Variants in MTMR10 observed in about 807,000 individuals in gnomAD.
The protein encoded by MTMR10 is myotubularin related protein 10.
Under a neutral mutation model 88.1 loss-of-function variants are expected in MTMR10, and 56 were observed. The observed-to-expected ratio is 0.64, with a 90% CI of 0.51 to 0.79. The LOEUF (loss-of-function observed/expected upper bound fraction) is 0.79. Among genes scored for constraint, MTMR10 ranks in the 30% least tolerant of loss-of-function variants. The probability of loss-of-function intolerance (pLI) is 0.00; values close to 1 mark genes in which losing one functional copy is unlikely to be tolerated. For synonymous variants in MTMR10, 380 were observed against 340.9 expected (o/e 1.11, Z -1.26); for missense variants, 883 against 924.7 (o/e 0.95, Z 0.58).
intron 9 of MTMR10, 94 bp downstream of exon 9, chr15:30,958,769 C>A: frequency 7.8e-7 from 1 of 1,277,218 alleles, no homozygotes. Flanking sequence ...ATTAGTAAGA[C>A]TATGCATTTT....
At chr15:30,986,379 G>C (rs946578532) in intron 2 of MTMR10, among the ~76,000 whole-genome samples, 2 of 151,526 alleles carry the variant, frequency 1.3e-5, no homozygotes, top group Non-Finnish European at 2.9e-5. Flanking sequence ...TTCTCTGTGT[G>C]AGTGCTCACA....
intron 10 of MTMR10, among the ~76,000 whole-genome samples, chr15:30,953,963 A>T (rs2063286005): frequency 6.6e-6 from 1 of 152,176 alleles, no homozygotes; most frequent in Non-Finnish European, 1.5e-5. Context: ...CTGTGAGGTC[A>T]GCTGCCCAGG....
the MTMR10 span, among the ~76,000 whole-genome samples, chr15:30,924,590 T>TGG: frequency 6.6e-6 from 1 of 152,220 alleles, no homozygotes; most frequent in African/African-American, 2.4e-5. Flanking sequence ...TGAATCGCCT[T>TGG]GGGAAATACT....
the MTMR10 span, among the ~76,000 whole-genome samples, chr15:30,929,736 ATAT>A: frequency 6.3e-5 from 2 of 31,588 alleles, no homozygotes; most frequent in Admixed American, 5.3e-4. Flanking sequence ...AATATATAAT[ATAT>A]TATATCATAT....
chr15:30,924,138 T>A, the MTMR10 span, among the ~76,000 whole-genome samples: 1 of 152,238 alleles, frequency 6.6e-6, no homozygotes, highest in South Asian at 2.1e-4. Flanking sequence ...CTCAGCATCA[T>A]GTTTCTGAGC....
intron 2 of MTMR10, among the ~76,000 whole-genome samples, chr15:30,979,013 C>T (rs1245702209): frequency 6.6e-6 from 1 of 152,102 alleles, no homozygotes; most frequent in Non-Finnish European, 1.5e-5. Context: ...CCACTGAATA[C>T]TCAACCCTTT....
the MTMR10 span, chr15:30,929,253 A>G: frequency 6.2e-7 from 1 of 1,613,522 alleles, no homozygotes; most frequent in African/African-American, 1.3e-5. Context: ...GCAGACGCCC[A>G]GCCCTTGAGG....
At chr15:30,975,687 T>C (rs2030076845) in intron 3 of MTMR10, among the ~76,000 whole-genome samples, 1 of 152,184 alleles carries the variant, frequency 6.6e-6, no homozygotes, top group African/African-American at 2.4e-5. Flanking sequence ...CATAAGACTG[T>C]AATGAACACA....
At chr15:30,981,413 G>GTGCC (rs1474417542) in intron 2 of MTMR10, among the ~76,000 whole-genome samples, 7 of 152,118 alleles carry the variant, frequency 4.6e-5, no homozygotes, top group Non-Finnish European at 8.8e-5. Flanking sequence ...TTGATGTCTT[G>GTGCC]TGCCTGCTCA....
rs1451742536 is a variant in MTMR10 at position 30,991,437 on chromosome 15, G to A, written c.60+10C>T. 2 of 1,488,818 alleles carry A rather than the reference G, an allele frequency of 1.3e-6. No individual in the cohort carries two copies. Among genetic ancestry groups the A allele is most frequent in the Admixed American group, 2.8e-5 (1 of 36,042 alleles). 92.2% of individuals were successfully genotyped at this position (1,488,818 alleles called of 1,614,324 possible). ...GGAGAGTCGGGCGCTCGCGGGGAGG[G>A]GTTGTTTACCTGGGGCGGTGGCAGG... On this transcript the variant is annotated intron_variant, in intron 1 of 15. Transcript: ENST00000435680.
chr15:30,933,973 G>A (rs955031981), downstream of MTMR10, among the ~76,000 whole-genome samples: 3 of 152,070 alleles, frequency 2.0e-5, no homozygotes, highest in Non-Finnish European at 2.9e-5. Context: ...TGTTGCCCAG[G>A]CTGGTCTCAA....
At chr15:30,971,923 T>C (rs964802395) in intron 5 of MTMR10, among the ~76,000 whole-genome samples, 3 of 152,148 alleles carry the variant, frequency 2.0e-5, no homozygotes, top group Non-Finnish European at 2.9e-5. Flanking sequence ...AGCAATCTAA[T>C]TTTGTCATAA....
At chr15:30,978,898 A>AATATAT (rs35430262) in intron 2 of MTMR10, among the ~76,000 whole-genome samples, 4 of 150,392 alleles carry the variant, frequency 2.7e-5, no homozygotes, top group Admixed American at 6.6e-5. Flanking sequence ...AAGATGACCA[A>AATATAT]ATATATATAT....
chr15:30,923,007 C>A, the MTMR10 span, among the ~76,000 whole-genome samples: 2 of 152,242 alleles, frequency 1.3e-5, no homozygotes, highest in East Asian at 3.8e-4. Context: ...GTGTGGCCGC[C>A]AGCAGGCCCC....
intron 5 of MTMR10, among the ~76,000 whole-genome samples, chr15:30,972,364 AT>A (rs974377394): frequency 6.6e-6 from 1 of 151,238 alleles, no homozygotes; most frequent in Non-Finnish European, 1.5e-5. Context: ...CATTGCATCT[AT>A]TTTTTTTTCC....
downstream of MTMR10, chr15:30,936,995 C>A: frequency 1.3e-6 from 1 of 759,586 alleles, no homozygotes; most frequent in Non-Finnish European, 2.2e-6. Context: ...TTGTGTTACA[C>A]TTACAAATAC....
the MTMR10 span, among the ~76,000 whole-genome samples, chr15:30,929,678 CATATAAT>C: frequency 2.1e-5 from 1 of 46,830 alleles, no homozygotes; most frequent in African/African-American, 7.5e-5. Flanking sequence ...TATAATATAT[CATATAAT>C]ATATATAAAA....
At chr15:30,968,741 T>C (rs2063502766) in intron 5 of MTMR10, among the ~76,000 whole-genome samples, 1 of 152,198 alleles carries the variant, frequency 6.6e-6, no homozygotes, top group Non-Finnish European at 1.5e-5. Context: ...GTTTGCTCAC[T>C]TGTAAAACAA....
Position 30,961,165 on chromosome 15 carries a change from T to C in MTMR10, c.566-92A>G, listed in dbSNP as rs115705828. 2.5e-3 allele frequency: 3,623 copies of C among 1,451,624 alleles called. 64 individuals carry two copies. The African/African-American group carries it at 0.041, about 16-fold the overall frequency. 89.9% of individuals were successfully genotyped at this position (1,451,624 alleles called of 1,614,324 possible). ...GCCTCCTGTCACATGCATACTCTGA[T>C]GTGCTGTCTCTAACCTGCTTCACCT... On this transcript the variant is annotated intron_variant, in intron 6 of 15. Transcript: ENST00000435680.
Sources: gnomAD v4.1 joint callset for allele counts (sites outside exome capture counted in the v4.1 genomes callset) on GRCh38, gnomAD v4.1.1 for gene constraint, MANE v1.5 for transcripts, NCBI Gene and HGNC (gene_info 2026-07-23, HGNC 2026-07-21) for gene names.